AJAP1: variants seen among roughly 807,000 people sequenced by gnomAD.
AJAP1 encodes adherens junction-associated protein 1.
AJAP1 carries 5 observed loss-of-function variants against 35.0 expected under a neutral mutation model. That is an observed-to-expected ratio of 0.14 (90% CI 0.07 to 0.30). AJAP1 has a LOEUF of 0.30. Ranked by LOEUF, AJAP1 falls within the 10% of genes least tolerant of loss-of-function variation. The pLI is 1.00. For missense variants in AJAP1, 586 were observed against 571.0 expected (o/e 1.03, Z -0.27); for synonymous variants, 284 against 249.3 (o/e 1.14, Z -1.31).
chr1:4,704,767 C>T (rs1194922106), intron 1 of AJAP1, among the ~76,000 whole-genome samples: 10 of 152,144 alleles, frequency 6.6e-5, no homozygotes, highest in Non-Finnish European at 1.0e-4. Flanking sequence ...GTTTACAGTC[C>T]CACCAACAGT....
intron 2 of AJAP1, among the ~76,000 whole-genome samples, chr1:4,733,087 A>G (rs1368864777): frequency 6.6e-6 from 1 of 152,132 alleles, no homozygotes; most frequent in Non-Finnish European, 1.5e-5. Flanking sequence ...TGCCTCAAGA[A>G]AATTTTGTGG....
intron 1 of AJAP1, among the ~76,000 whole-genome samples, chr1:4,667,144 G>A (rs1025298689): frequency 5.3e-5 from 8 of 152,114 alleles, no homozygotes; most frequent in African/African-American, 1.9e-4. Context: ...GGAAGTCCCA[G>A]AGGACTCCCC....
intron 1 of AJAP1, among the ~76,000 whole-genome samples, chr1:4,662,684 G>A (rs1039166313): frequency 2.0e-5 from 3 of 152,330 alleles, no homozygotes; most frequent in East Asian, 1.9e-4. Flanking sequence ...CGGGCTAGGC[G>A]CCCGTGGTCC....
At chr1:4,717,470 A>G (rs781276475) in intron 2 of AJAP1, among the ~76,000 whole-genome samples, 41 of 152,346 alleles carry the variant, frequency 2.7e-4, no homozygotes, top group Non-Finnish European at 5.7e-4. Context: ...ACCTCTGTTC[A>G]ATCAGTCACG....
At position 4,692,119 on chromosome 1, in the gene AJAP1, CT is replaced by C. The variant is rs1639753131; in HGVS notation, c.30-19780del. On this transcript the variant is annotated intron_variant, in intron 1 of 5. Coordinates refer to ENST00000378191, the MANE Select transcript of AJAP1 (RefSeq NM_018836.4). The surrounding 1 kb of genome is among the most constrained non-coding windows in gnomAD (Gnocchi z 4.4). ...GGCGCCCGGCCGGCCCTGCGTGGAT[CT>C]ATTATCTCTGCATCGTTGCCGCCTT... 6.6e-6 allele frequency among the ~76,000 whole-genome samples: 1 copy of C among 152,172 alleles called. No individual in the cohort carries two copies. The highest frequency in any genetic ancestry group is 1.5e-5 in the Non-Finnish European group (1 of 68,022).
chr1:4,746,165 G>A (rs1346568811), intron 2 of AJAP1, among the ~76,000 whole-genome samples: 7 of 152,128 alleles, frequency 4.6e-5, no homozygotes, highest in Non-Finnish European at 1.0e-4. Flanking sequence ...CAGCTTCTGG[G>A]GACTCCAGGC....
chr1:4,783,571 G>GTA lies in AJAP1; in HGVS notation c.*1095_*1096dup, dbSNP rs1338906301. 2 of 141,924 alleles carry GTA rather than the reference G, an allele frequency of 1.4e-5. No individual in the cohort carries two copies. The highest frequency in any genetic ancestry group is 4.6e-4 in the South Asian group (2 of 4,354). 8.8% of individuals were successfully genotyped at this position (141,924 alleles called of 1,614,324 possible). On this transcript the variant is annotated 3_prime_UTR_variant, in exon 6 of 6. Transcript: ENST00000378191. ...TTTGTGTGTGTATATATATGTTTGTGTATATATATACACATATGCATACAT... is the reference window on the plus strand; with the variant it reads ...TTTGTGTGTGTATATATATGTTTGTGTATATATATATACACATATGCATACAT...
chr1:4,729,263 GGGAGCACAGGGCAGGGCCC>G (rs1240230643), intron 2 of AJAP1, among the ~76,000 whole-genome samples: 1 of 152,114 alleles, frequency 6.6e-6, no homozygotes, highest in Non-Finnish European at 1.5e-5. Flanking sequence ...TCGGAGTGAG[GGGAGCACAGGGCAGGGCCC>G]GAGTCTCGAG....
chr1:4,678,208 G>A (rs1463565774), intron 1 of AJAP1, among the ~76,000 whole-genome samples: 2 of 152,240 alleles, frequency 1.3e-5, no homozygotes, highest in East Asian at 1.9e-4. Flanking sequence ...ACAAATATTT[G>A]TGAAGCAGTT....
Position 4,723,554 on chromosome 1 carries a change from G to A in AJAP1, c.829+10855G>A, listed in dbSNP as rs186488079. On this transcript the variant is annotated intron_variant, in intron 2 of 5. Transcript: ENST00000378191. The surrounding 1 kb of genome is among the most constrained non-coding windows in gnomAD (Gnocchi z 4.3). The stretch of plus-strand genomic sequence containing the variant: ...CAGAGCATGGAGGGGTCCTCGTGGC[G>A]GAGCTCCCAGAGACATGAAAGAGGC... Among the ~76,000 whole-genome samples, 44 of 152,282 alleles carry A rather than the reference G, an allele frequency of 2.9e-4. No individual in the cohort carries two copies. Among genetic ancestry groups the A allele is most frequent in the Middle Eastern group, 3.4e-3 (1 of 294 alleles).
At chr1:4,737,257 ATGAGCC>A (rs113977097) in intron 2 of AJAP1, among the ~76,000 whole-genome samples, 28 of 152,056 alleles carry the variant, frequency 1.8e-4, no homozygotes, top group Admixed American at 7.2e-4. Context: ...GGGAAAAAGC[ATGAGCC>A]TGAGCCTGAG....
rs1056346406 is a variant in AJAP1 at position 4,787,313 on chromosome 1, G to C, written c.*4828G>C. On this transcript the variant is annotated 3_prime_UTR_variant, in exon 6 of 6. Coordinates refer to ENST00000378191, the MANE Select transcript of AJAP1 (RefSeq NM_018836.4). ...GAAGAGAGCAGAGCAGAGTGATGGG[G>C]CTGGGGGCAGAGAAGGAGAGAGGGG... is the stretch of plus-strand genomic sequence containing the variant. 8.9e-5 allele frequency: 19 copies of C among 214,088 alleles called. No individual in the cohort carries two copies. The highest frequency in any genetic ancestry group is 4.6e-4 in the Admixed American group (8 of 17,482). The allele number at this position is 214,088 out of a possible 1,614,324, so 13.3% of individuals were successfully genotyped here.
intron 1 of AJAP1, among the ~76,000 whole-genome samples, chr1:4,705,514 C>A (rs1226185108): frequency 6.9e-6 from 1 of 145,318 alleles, no homozygotes; most frequent in African/African-American, 2.5e-5. Flanking sequence ...GGACTGCCTT[C>A]CCAGTGACAG....
At chr1:4,710,937 C>G (rs1640216341) in intron 1 of AJAP1, among the ~76,000 whole-genome samples, 1 of 152,200 alleles carries the variant, frequency 6.6e-6, no homozygotes, top group South Asian at 2.1e-4. Flanking sequence ...CCCGCCAGCC[C>G]TGACTTCTCC....
intron 1 of AJAP1, among the ~76,000 whole-genome samples, chr1:4,701,884 C>T (rs576492617): frequency 1.5e-3 from 228 of 152,298 alleles, no homozygotes; most frequent in Non-Finnish European, 2.7e-3. Flanking sequence ...TGCCCCATGT[C>T]CCTCCCCACA....
At chr1:4,739,876 G>A (rs1185254377) in intron 2 of AJAP1, among the ~76,000 whole-genome samples, 1 of 152,150 alleles carries the variant, frequency 6.6e-6, no homozygotes, top group Non-Finnish European at 1.5e-5. Flanking sequence ...GCATCAGAGT[G>A]TCTGATAAGG....
intron 1 of AJAP1, among the ~76,000 whole-genome samples, chr1:4,670,876 T>C (rs776413545): frequency 5.3e-5 from 8 of 152,264 alleles, no homozygotes; most frequent in Non-Finnish European, 7.3e-5. Flanking sequence ...TTTCTGTTTT[T>C]GGAAAGCATG....
At chr1:4,769,985 G>T in intron 3 of AJAP1, 45 bp downstream of exon 3, 1 of 1,518,674 alleles carries the variant, frequency 6.6e-7, no homozygotes, top group Non-Finnish European at 9.1e-7. Flanking sequence ...GGGGACTACC[G>T]GGGTCCCTGG....
chr1:4,689,484 G>C lies in AJAP1; in HGVS notation c.30-22416G>C, dbSNP rs1036680252. Among the ~76,000 whole-genome samples the C allele has an allele frequency of 7.2e-5, 11 of 152,320 alleles. No homozygotes were observed. The East Asian group carries it at 2.1e-3, about 30-fold the overall frequency. On this transcript the variant is annotated intron_variant, in intron 1 of 5. Transcript: ENST00000378191. ...TGGCAGGATCATGCACAGGGCAGAG[G>C]GGCCAGAAGCCTCTGAGCCGATGGC...
Sources: allele counts gnomAD v4.1 joint callset (sites outside exome capture counted in the v4.1 genomes callset), GRCh38; gene constraint gnomAD v4.1.1; non-coding constraint Gnocchi (gnomAD v3.1); transcripts MANE v1.5; gene names NCBI Gene and HGNC (gene_info 2026-07-23, HGNC 2026-07-21).